Variants in SCRG1 observed in about 807,000 individuals in gnomAD.
SCRG1 encodes the protein stimulator of chondrogenesis 1, also known as scrapie-responsive protein 1.
A neutral mutation model predicts 7.7 loss-of-function variants in SCRG1; 3 were observed. The ratio of observed to expected loss-of-function variants is 0.39; its 90% CI spans 0.18 to 1.01. The LOEUF (loss-of-function observed/expected upper bound fraction) is 1.01. Ranked by LOEUF, SCRG1 falls within the 50% of genes least tolerant of loss-of-function variation. The pLI is 0.36. For synonymous variants in SCRG1, 46 were observed against 41.2 expected (o/e 1.12, Z -0.44); for missense variants, 110 against 117.2 (o/e 0.94, Z 0.28).
At chr4:173,396,712 T>TGTGTGTGTG in intron 1 of SCRG1, among the ~76,000 whole-genome samples, 1 of 107,018 alleles carries the variant, frequency 9.3e-6, no homozygotes, top group East Asian at 2.8e-4. Flanking sequence ...ACTGGTAGTT[T>TGTGTGTGTG]TGTGTGTGTG....
the SCRG1 span, among the ~76,000 whole-genome samples, chr4:173,482,967 A>G: frequency 3.8e-5 from 5 of 132,506 alleles, no homozygotes; most frequent in Non-Finnish European, 6.2e-5. Context: ...TACATATTGT[A>G]TATATAATAT....
At chr4:173,410,730 C>CTT (rs1740017987), upstream of SCRG1, among the ~76,000 whole-genome samples, 1 of 152,154 alleles carries the variant, frequency 6.6e-6, no homozygotes, top group Non-Finnish European at 1.5e-5. Flanking sequence ...TTGTGAATCT[C>CTT]TAAGAGCTGA....
chr4:173,387,371 G>A lies in SCRG1; in HGVS notation c.*970C>T, dbSNP rs958027217. 2 of 152,226 alleles carry A rather than the reference G, an allele frequency of 1.3e-5. No individual in the cohort carries two copies. Among genetic ancestry groups the A allele is most frequent in the African/African-American group, 4.8e-5 (2 of 41,434 alleles). 9.4% of individuals were successfully genotyped at this position (152,226 alleles called of 1,614,324 possible). A position where few individuals can be genotyped will look rare whatever the true frequency, so the allele number is the denominator to read the frequency against. Reference sequence around the variant, plus strand: ...TTTTTGTTTGTTTGTTTGAGACAGAGTCTCACTCTGTGGTTCCATGGTGGA... The same window carrying A: ...TTTTTGTTTGTTTGTTTGAGACAGAATCTCACTCTGTGGTTCCATGGTGGA... On this transcript the variant is annotated 3_prime_UTR_variant, in exon 3 of 3. Transcript: ENST00000296506.
the SCRG1 span, among the ~76,000 whole-genome samples, chr4:173,445,669 ATT>A: frequency 3.6e-5 from 5 of 140,708 alleles, no homozygotes; most frequent in African/African-American, 7.8e-5. Context: ...CTTTAAGGAT[ATT>A]TTTTTTTTTT....
chr4:173,483,342 C>CATATCAT, the SCRG1 span, among the ~76,000 whole-genome samples: 5 of 13,260 alleles, frequency 3.8e-4, no homozygotes, highest in African/African-American at 1.4e-3. Flanking sequence ...TTATATATTA[C>CATATCAT]ATATGATATA....
chr4:173,483,978 A>G, the SCRG1 span, among the ~76,000 whole-genome samples: 1 of 45,326 alleles, frequency 2.2e-5, no homozygotes, highest in Non-Finnish European at 5.0e-5. Context: ...TATATAATAT[A>G]TAGTATATTA....
chr4:173,414,200 C>T, the SCRG1 span, among the ~76,000 whole-genome samples: 2 of 152,220 alleles, frequency 1.3e-5, no homozygotes, highest in African/African-American at 4.8e-5. Flanking sequence ...CTCTGTATTG[C>T]CATCCTGTGA....
chr4:173,477,151 C>T, the SCRG1 span, among the ~76,000 whole-genome samples: 1 of 152,078 alleles, frequency 6.6e-6, no homozygotes, highest in Non-Finnish European at 1.5e-5. Flanking sequence ...GCCAAGCTCC[C>T]TTCAACAAGA....
chr4:173,487,015 G>C, the SCRG1 span, among the ~76,000 whole-genome samples: 1 of 152,164 alleles, frequency 6.6e-6, no homozygotes, highest in Non-Finnish European at 1.5e-5. Flanking sequence ...TTCTTACCCT[G>C]GCTGCACATT....
the SCRG1 span, chr4:173,420,071 A>ATCT: frequency 1.7e-6 from 1 of 599,340 alleles, no homozygotes. Flanking sequence ...CCCTTTCATC[A>ATCT]TCTTCTAAAT....
chr4:173,486,501 T>C, the SCRG1 span, among the ~76,000 whole-genome samples: 1 of 152,256 alleles, frequency 6.6e-6, no homozygotes, highest in African/African-American at 2.4e-5. Context: ...TCTCACATAT[T>C]CTTGACAGAT....
chr4:173,487,476 T>C, the SCRG1 span, among the ~76,000 whole-genome samples: 1 of 152,204 alleles, frequency 6.6e-6, no homozygotes, highest in Non-Finnish European at 1.5e-5. Flanking sequence ...TTTGGGACAT[T>C]AGCTTTTCTG....
chr4:173,462,093 A>G, the SCRG1 span, among the ~76,000 whole-genome samples: 1 of 152,192 alleles, frequency 6.6e-6, no homozygotes, highest in Non-Finnish European at 1.5e-5. Flanking sequence ...CAAATCTGTA[A>G]TTGGCCTTAA....
chr4:173,390,435 CTTGATCCA>C (rs1739393887), intron 2 of SCRG1, among the ~76,000 whole-genome samples: 1 of 149,452 alleles, frequency 6.7e-6, no homozygotes, highest in South Asian at 2.1e-4. Context: ...CAGTTAATTA[CTTGATCCA>C]TTCACTGAGT....
chr4:173,475,257 C>T, the SCRG1 span, among the ~76,000 whole-genome samples: 6 of 152,184 alleles, frequency 3.9e-5, no homozygotes, highest in African/African-American at 1.4e-4. Flanking sequence ...TTGTTTCCAC[C>T]CCTTAGGGGA....
Position 173,388,223 on chromosome 4 carries a change from A to G in SCRG1, c.*118T>C. The G allele has an allele frequency of 1.7e-6, 1 of 590,930 alleles. No homozygotes were observed. The highest frequency in any genetic ancestry group is 2.9e-6 in the Non-Finnish European group (1 of 343,570). 36.6% of individuals were successfully genotyped at this position (590,930 alleles called of 1,614,324 possible). On this transcript the variant is annotated 3_prime_UTR_variant, in exon 3 of 3. Transcript: ENST00000296506. ...ACAGATTTACTTGTCTTAGACAAGT[A>G]AGAATTTATAGAATCTATGCTCTAT...
the SCRG1 span, among the ~76,000 whole-genome samples, chr4:173,504,882 G>C: frequency 1.3e-5 from 2 of 152,226 alleles, no homozygotes; most frequent in Non-Finnish European, 2.9e-5. This position sits in a 1 kb window ranked among gnomAD's most constrained non-coding sequence, Gnocchi z 4.7. Context: ...GCTAGCAGCA[G>C]AAACCATGGC....
chr4:173,517,627 G>A, the SCRG1 span, among the ~76,000 whole-genome samples: 1 of 152,122 alleles, frequency 6.6e-6, no homozygotes, highest in Non-Finnish European at 1.5e-5. Flanking sequence ...GATTGTTTCT[G>A]GTATAAAATA....
At chr4:173,517,319 A>G in the SCRG1 span, among the ~76,000 whole-genome samples, 1 of 152,226 alleles carries the variant, frequency 6.6e-6, no homozygotes, top group East Asian at 1.9e-4. Flanking sequence ...AAAAAAATCA[A>G]AATAAACCAC....
Sources: gnomAD v4.1 joint callset for allele counts (sites outside exome capture counted in the v4.1 genomes callset) on GRCh38, gnomAD v4.1.1 for gene constraint, Gnocchi (gnomAD v3.1) non-coding constraint, MANE v1.5 for transcripts, NCBI Gene and HGNC (gene_info 2026-07-23, HGNC 2026-07-21) for gene names.